The following SNTG1 variants were observed in gnomAD, a reference collection of about 807,000 sequenced individuals.
SNTG1 encodes the protein gamma-1-syntrophin.
Under a neutral mutation model 74.7 loss-of-function variants are expected in SNTG1, and 39 were observed. The observed-to-expected ratio is 0.52, with a 90% confidence interval of 0.40 to 0.68. The LOEUF is 0.68. Among genes scored for constraint, SNTG1 ranks in the 30% least tolerant of loss-of-function variants. The pLI, the probability that SNTG1 is intolerant of heterozygous loss-of-function variation, is 0.00. For synonymous variants in SNTG1, 254 were observed against 217.1 expected (o/e 1.17, Z -1.49); for missense variants, 685 against 609.5 (o/e 1.12, Z -1.30).
intron 1 of SNTG1, chr8:50,164,080 A>C (rs975064415): frequency 6.7e-6 from 1 of 150,196 alleles, no homozygotes; most frequent in Admixed American, 6.6e-5. Flanking sequence ...CTTTGATAGA[A>C]AGACACAATT....
At chr8:50,712,648 C>T (rs2095464849) in intron 17 of SNTG1, among the ~76,000 whole-genome samples, 2 of 152,034 alleles carry the variant, frequency 1.3e-5, no homozygotes, top group South Asian at 4.2e-4. Flanking sequence ...AATGTTATCC[C>T]TCCCCATATC....
intron 1 of SNTG1, among the ~76,000 whole-genome samples, chr8:50,113,887 T>A (rs2080706924): frequency 6.6e-6 from 1 of 151,886 alleles, no homozygotes; most frequent in Non-Finnish European, 1.5e-5. Context: ...GTTGTGCACA[T>A]GTACCCTAGA....
chr8:50,387,248 A>C (rs2092589345), intron 2 of SNTG1, among the ~76,000 whole-genome samples: 1 of 152,120 alleles, frequency 6.6e-6, no homozygotes, highest in African/African-American at 2.4e-5. Context: ...GTTCAGTGGC[A>C]ATAGTTCCTA....
intron 1 of SNTG1, among the ~76,000 whole-genome samples, chr8:50,001,377 GC>G (rs2130449567): frequency 6.6e-6 from 1 of 152,162 alleles, no homozygotes; most frequent in Non-Finnish European, 1.5e-5. Context: ...CTTTTAGGGG[GC>G]TTATGGTGAG....
At chr8:50,428,859 G>A (rs1386846787) in intron 4 of SNTG1, among the ~76,000 whole-genome samples, 1 of 152,078 alleles carries the variant, frequency 6.6e-6, no homozygotes, top group African/African-American at 2.4e-5. Flanking sequence ...AAGATGGAAT[G>A]CTATTACTTC....
chr8:50,370,015 A>G (rs1340831201), intron 2 of SNTG1, among the ~76,000 whole-genome samples: 4 of 152,174 alleles, frequency 2.6e-5, no homozygotes, highest in African/African-American at 9.7e-5. Context: ...GAATATCACC[A>G]TTGGACACTC....
chr8:50,132,829 C>T (rs937505227), intron 1 of SNTG1, among the ~76,000 whole-genome samples: 5 of 152,122 alleles, frequency 3.3e-5, no homozygotes, highest in Non-Finnish European at 5.9e-5. Context: ...GGATCCAAGC[C>T]ATAAGACAAG....
At chr8:50,575,146 A>G (rs1315590610) in intron 12 of SNTG1, among the ~76,000 whole-genome samples, 6 of 152,182 alleles carry the variant, frequency 3.9e-5, no homozygotes. Flanking sequence ...TCCTACAGCT[A>G]TGAAGGAGAG....
intron 1 of SNTG1, among the ~76,000 whole-genome samples, chr8:50,085,565 A>G (rs1822808275): frequency 6.6e-6 from 1 of 151,772 alleles, no homozygotes; most frequent in African/African-American, 2.4e-5. Context: ...TTCTGTCTCT[A>G]CTCCTCTAGT....
At chr8:50,722,674 A>T (rs1270640563) in intron 17 of SNTG1, among the ~76,000 whole-genome samples, 1 of 152,162 alleles carries the variant, frequency 6.6e-6, no homozygotes, top group Non-Finnish European at 1.5e-5. Flanking sequence ...GTTTTACCAC[A>T]TACATGGCTT....
intron 8 of SNTG1, among the ~76,000 whole-genome samples, chr8:50,502,011 T>A (rs2093963114): frequency 6.6e-6 from 1 of 152,178 alleles, no homozygotes; most frequent in African/African-American, 2.4e-5. Context: ...TTTTAAATTT[T>A]AAAATTTGCA....
In SNTG1 at chr8:50,122,688, G is replaced by T. The variant is rs986086968; in HGVS notation, c.-102-49873G>T. 6.3e-5 allele frequency among the ~76,000 whole-genome samples: 9 copies of T among 141,940 alleles called. 1 individual carries two copies. Among genetic ancestry groups the T allele is most frequent in the Non-Finnish European group, 1.3e-4 (8 of 63,816 alleles). 93.1% of individuals were successfully genotyped at this position (141,940 alleles called of 152,430 possible). A position where few individuals can be genotyped will look rare whatever the true frequency, so the allele number is the denominator to read the frequency against. On this transcript the variant is annotated intron_variant, in intron 1 of 18. Transcript: ENST00000642720. ...GGCACTGTGACTTCAATAGAGGCAGGAGGATAGTAATGGGGACAAGAGGAT... is the reference window on the plus strand; with the variant it reads ...GGCACTGTGACTTCAATAGAGGCAGTAGGATAGTAATGGGGACAAGAGGAT...
intron 2 of SNTG1, among the ~76,000 whole-genome samples, chr8:50,226,455 TA>T (rs1384128327): frequency 6.6e-6 from 1 of 152,198 alleles, no homozygotes; most frequent in Admixed American, 6.6e-5. Context: ...AGAGATTAAC[TA>T]AAAGTCTAGA....
intron 9 of SNTG1, among the ~76,000 whole-genome samples, chr8:50,511,070 T>G (rs2094068338): frequency 1.3e-5 from 2 of 152,230 alleles, no homozygotes; most frequent in African/African-American, 4.8e-5. Flanking sequence ...TAAATTTCCC[T>G]CTACACACAG....
chr8:50,294,247 A>G (rs1451415217), intron 2 of SNTG1, among the ~76,000 whole-genome samples: 1 of 152,196 alleles, frequency 6.6e-6, no homozygotes, highest in Non-Finnish European at 1.5e-5. Context: ...ACCAGTAAGA[A>G]CCTCTATATC....
intron 18 of SNTG1, among the ~76,000 whole-genome samples, chr8:50,784,938 C>T (rs73677524): frequency 0.02 from 3,022 of 151,676 alleles, 95 homozygotes; most frequent in African/African-American, 0.066. Flanking sequence ...ATATTAAAAG[C>T]AAATTACTAA....
At chr8:50,723,684 C>T (rs893350484) in intron 17 of SNTG1, among the ~76,000 whole-genome samples, 10 of 152,052 alleles carry the variant, frequency 6.6e-5, no homozygotes, top group African/African-American at 2.4e-4. Flanking sequence ...CCAGTAACTC[C>T]ATTAGGACCC....
chr8:49,999,333 T>A (rs1343251288), intron 1 of SNTG1, among the ~76,000 whole-genome samples: 1 of 152,174 alleles, frequency 6.6e-6, no homozygotes, highest in Non-Finnish European at 1.5e-5. Context: ...ATTGTCTCAC[T>A]GCCTCTCTGC....
chr8:50,193,604 T>C (rs1420169876), intron 2 of SNTG1, among the ~76,000 whole-genome samples: 1 of 152,114 alleles, frequency 6.6e-6, no homozygotes, highest in Non-Finnish European at 1.5e-5. Flanking sequence ...TAAAGGATCA[T>C]ATCATCAGCA....
Sources: gnomAD v4.1 joint callset for allele counts (sites outside exome capture counted in the v4.1 genomes callset) on GRCh38, gnomAD v4.1.1 for gene constraint, MANE v1.5 for transcripts, NCBI Gene and HGNC (gene_info 2026-07-23, HGNC 2026-07-21) for gene names.